Variants in EPB41L4A observed in about 807,000 individuals in gnomAD.
EPB41L4A encodes the protein erythrocyte membrane protein band 4.1 like 4A, also known as band 4.1-like protein 4A.
In EPB41L4A, 100 loss-of-function variants were observed where a neutral mutation model predicts 108.6. That is an observed-to-expected ratio of 0.92 (90% CI 0.78 to 1.09). The LOEUF is 1.09. EPB41L4A is among the 50% of genes least tolerant of loss of function. EPB41L4A has a pLI of 0.00. For missense variants in EPB41L4A, 1,030 were observed against 842.7 expected, an observed-to-expected ratio of 1.22 and a Z score of -2.75; for synonymous variants, 319 against 289.0, an observed-to-expected ratio of 1.10 and a Z score of -1.05.
intron 4 of EPB41L4A, among the ~76,000 whole-genome samples, chr5:112,274,567 T>C (rs375959967): frequency 1.3e-5 from 2 of 152,168 alleles, no homozygotes; most frequent in African/African-American, 4.8e-5. Context: ...TCAACTTTTT[T>C]AAAGGAGGTA....
intron 1 of EPB41L4A, among the ~76,000 whole-genome samples, chr5:112,380,792 TACACACACACAC>T (rs34831455): frequency 1.0e-3 from 145 of 140,942 alleles, no homozygotes; most frequent in East Asian, 4.0e-3. Context: ...ATCACACACA[TACACACACACAC>T]ACACACACAC....
chr5:112,160,853 C>G (rs531075591), downstream of EPB41L4A: 2 of 156,208 alleles, frequency 1.3e-5, no homozygotes, highest in Non-Finnish European at 2.9e-5. Flanking sequence ...CATTGTGGGA[C>G]GGAAGCCTGT....
intron 1 of EPB41L4A, among the ~76,000 whole-genome samples, chr5:112,412,949 T>G (rs768028753): frequency 6.6e-6 from 1 of 152,162 alleles, no homozygotes; most frequent in Non-Finnish European, 1.5e-5. Flanking sequence ...TAGAGCAGTG[T>G]CAGATTAGGT....
At chr5:112,298,413 A>C (rs2150556611) in intron 2 of EPB41L4A, among the ~76,000 whole-genome samples, 1 of 152,274 alleles carries the variant, frequency 6.6e-6, no homozygotes, top group Admixed American at 6.5e-5. Context: ...GAATTTTGTC[A>C]AATGCTCTTT....
chr5:112,165,286 A>C lies in EPB41L4A; in HGVS notation c.1933-168T>G, dbSNP rs78887676. 6.5e-4 allele frequency among the ~76,000 whole-genome samples: 99 copies of C among 152,342 alleles called. 1 individual carries two copies. The East Asian group carries it at 0.016, about 24-fold the overall frequency. ...AAATGTTCCCTCTAAATAGCTGTGC[A>C]AAATAAAGTTTGTATTTAAACTTTA... On this transcript the variant is annotated intron_variant, in intron 22 of 22. Transcript: ENST00000261486.
rs748436384 is a variant in EPB41L4A, at chr5:112,195,641, T to G, written c.1424+20A>C. On this transcript the variant is annotated intron_variant, in intron 16 of 22. Transcript: ENST00000261486. ...TAACCCTTCTTCCCTCTGACTGTCC[T>G]TCCATTTTTGTTTTTTTACCTCCTC... The G allele has an allele frequency of 6.3e-7, 1 of 1,599,382 alleles. No individual in the cohort carries two copies. The highest frequency in any genetic ancestry group is 8.6e-7 in the Non-Finnish European group (1 of 1,166,704).
At chr5:112,407,764 T>C (rs565980366) in intron 1 of EPB41L4A, among the ~76,000 whole-genome samples, 1 of 152,192 alleles carries the variant, frequency 6.6e-6, no homozygotes, top group African/African-American at 2.4e-5. Context: ...TTTGGAAGTC[T>C]AAATATTCAA....
intron 12 of EPB41L4A, among the ~76,000 whole-genome samples, chr5:112,217,284 C>G (rs1217052822): frequency 6.6e-6 from 1 of 152,154 alleles, no homozygotes; most frequent in East Asian, 1.9e-4. Context: ...TCATTAAATT[C>G]TATAAAGCAA....
chr5:112,358,551 G>A (rs1430612658), intron 1 of EPB41L4A, among the ~76,000 whole-genome samples: 1 of 152,228 alleles, frequency 6.6e-6, no homozygotes. Flanking sequence ...ACAGCTGGAT[G>A]ATACTGAGTA....
intron 12 of EPB41L4A, among the ~76,000 whole-genome samples, chr5:112,153,145 G>A (rs1759529999): frequency 1.3e-5 from 2 of 151,994 alleles, no homozygotes; most frequent in Admixed American, 6.6e-5. Flanking sequence ...CTTGATCCTG[G>A]AAGGTGGAGG....
chr5:112,177,676 T>C (rs1760937462), intron 18 of EPB41L4A, among the ~76,000 whole-genome samples: 1 of 152,068 alleles, frequency 6.6e-6, no homozygotes, highest in Non-Finnish European at 1.5e-5. Context: ...TATATGACAA[T>C]AGCACAAAGC....
At chr5:112,288,462 T>C (rs1424883834) in intron 2 of EPB41L4A, among the ~76,000 whole-genome samples, 1 of 152,086 alleles carries the variant, frequency 6.6e-6, no homozygotes, top group Non-Finnish European at 1.5e-5. Context: ...CTACTTTTTA[T>C]TAAAAAAGCA....
chr5:112,272,138 AT>A (rs61119854), intron 4 of EPB41L4A, among the ~76,000 whole-genome samples: 1 of 136,534 alleles, frequency 7.3e-6, no homozygotes, highest in African/African-American at 2.7e-5. Flanking sequence ...CATTATTTGT[AT>A]TTTTTTTTTT....
At chr5:112,166,127 G>A (rs967627324) in intron 22 of EPB41L4A, among the ~76,000 whole-genome samples, 2 of 152,242 alleles carry the variant, frequency 1.3e-5, no homozygotes, top group African/African-American at 4.8e-5. Context: ...CCACTCTGCA[G>A]ACCTTAAGAA....
intron 13 of EPB41L4A, among the ~76,000 whole-genome samples, chr5:112,208,901 G>A (rs898746945): frequency 1.3e-5 from 2 of 152,082 alleles, no homozygotes; most frequent in Admixed American, 1.3e-4. Context: ...GTGACTAAGG[G>A]AAATACAGTA....
chr5:112,359,935 T>C (rs1442114882), intron 1 of EPB41L4A, among the ~76,000 whole-genome samples: 3 of 152,254 alleles, frequency 2.0e-5, no homozygotes, highest in Admixed American at 2.0e-4. Context: ...TCAACATACA[T>C]GTTGCAAAAC....
chr5:112,398,838 T>C (rs1485886019), intron 1 of EPB41L4A, among the ~76,000 whole-genome samples: 1 of 151,828 alleles, frequency 6.6e-6, no homozygotes, highest in South Asian at 2.1e-4. Flanking sequence ...GTGAAATGTA[T>C]ATGGGCTTCA....
intron 12 of EPB41L4A, among the ~76,000 whole-genome samples, chr5:112,211,635 A>G (rs1363695233): frequency 6.6e-6 from 1 of 151,886 alleles, no homozygotes; most frequent in Non-Finnish European, 1.5e-5. Context: ...ATGTTCAATG[A>G]GAAGAACACT....
At chr5:112,357,651 C>T (rs1204111762) in intron 1 of EPB41L4A, among the ~76,000 whole-genome samples, 1 of 152,172 alleles carries the variant, frequency 6.6e-6, no homozygotes, top group Non-Finnish European at 1.5e-5. Context: ...AGAACTGTAA[C>T]TAGTACATTT....
Sources: gnomAD v4.1 joint callset for allele counts (sites outside exome capture counted in the v4.1 genomes callset) on GRCh38, gnomAD v4.1.1 for gene constraint, MANE v1.5 for transcripts, NCBI Gene and HGNC (gene_info 2026-07-23, HGNC 2026-07-21) for gene names.